The following ADAM11 variants were observed in gnomAD, a reference collection of about 807,000 sequenced individuals.
ADAM11 encodes the protein disintegrin and metalloproteinase domain-containing protein 11.
A neutral mutation model predicts 119.1 loss-of-function variants in ADAM11; 49 were observed. That is an observed-to-expected ratio of 0.41 (90% CI 0.33 to 0.52). The LOEUF (loss-of-function observed/expected upper bound fraction) is 0.52. Among genes scored for constraint, ADAM11 ranks in the 20% least tolerant of loss-of-function variants. The pLI is 0.20. For synonymous variants in ADAM11, 364 were observed against 408.0 expected (o/e 0.89, Z 1.30); for missense variants, 777 against 1,047.5 (o/e 0.74, Z 3.56).
Position 44,772,519 on chromosome 17 carries a change from A to T in ADAM11, c.678+53A>T. On this transcript the variant is annotated intron_variant, in intron 8 of 26. Coordinates refer to ENST00000200557, the MANE Select transcript of ADAM11 (RefSeq NM_002390.6). This position sits in a 1 kb window ranked among gnomAD's most constrained non-coding sequence, Gnocchi z 4.5. ...TGCAGAGACCTCGGGCTGCAGAGAG[A>T]CCTCAGGCCGTGGCCCAGAGCAGGA... 1 of 1,538,924 alleles carries T rather than the reference A, an allele frequency of 6.5e-7. No individual in the cohort carries two copies. The highest frequency in any genetic ancestry group is 8.8e-7 in the Non-Finnish European group (1 of 1,139,168).
rs745617724 is a variant in ADAM11, at chr17:44,759,828, G to C, written c.168G>C (p.Glu56Asp). The C allele has an allele frequency of 7.6e-7, 1 of 1,316,434 alleles. No homozygotes were observed. The highest frequency in any genetic ancestry group is 3.1e-5 in the South Asian group (1 of 32,730). The allele number at this position is 1,316,434 out of a possible 1,614,324, so 81.5% of individuals were successfully genotyped here. Residue 56 changes from glutamate (E) to aspartate (D), a missense_variant, in exon 2 of 27, where the codon GAG becomes GAC. Glu to Asp is a conservative substitution (Grantham distance 45). Around this residue, in one of 4 missense-constraint regions of ADAM11, gnomAD observed 278 missense variants for 310.1 expected, o/e 0.90. Coordinates refer to ENST00000200557, the MANE Select transcript of ADAM11 (RefSeq NM_002390.6). ...EVTEPSRLVR[E>D]SSGGEVRKQQ... ...CGGAACCCAGCCGTCTGGTTAGGGA[G>C]AGCTCCGGGGGAGAGGTCCGAAAGC...
chr17:44,768,372 A>C (rs2049477106), intron 2 of ADAM11, among the ~76,000 whole-genome samples: 1 of 152,188 alleles, frequency 6.6e-6, no homozygotes, highest in Non-Finnish European at 1.5e-5. Context: ...CAGCCCACCC[A>C]GGCCCTGGCC....
In ADAM11 at chr17:44,770,401, G is replaced by A. The variant is rs989707798; in HGVS notation, c.381+353G>A. On this transcript the variant is annotated intron_variant, in intron 4 of 26. Coordinates refer to ENST00000200557, the MANE Select transcript of ADAM11 (RefSeq NM_002390.6). ...CCTTCTTACTCAATATCAAGGCCCC[G>A]AAAATCCCAGCTGCCTGGGACACTA... is the stretch of plus-strand genomic sequence containing the variant. 2.6e-5 allele frequency among the ~76,000 whole-genome samples: 4 copies of A among 151,936 alleles called. 1 individual carries two copies. The highest frequency in any genetic ancestry group is 4.1e-4 in the South Asian group (2 of 4,836).
In ADAM11 at chr17:44,777,389, G is replaced by A; in HGVS notation, c.1782-93G>A. ...CCCAATGGGCGGGCACGTGGCAAAT[G>A]AGGTGGCAGGGTGCAGGGTGAGGGC... On this transcript the variant is annotated intron_variant, in intron 21 of 26. Transcript: ENST00000200557. This position sits in a 1 kb window ranked among gnomAD's most constrained non-coding sequence, Gnocchi z 5.1. 6.5e-7 allele frequency: 1 copy of A among 1,531,798 alleles called. No individual in the cohort carries two copies. The highest frequency in any genetic ancestry group is 9.0e-7 in the Non-Finnish European group (1 of 1,113,106). The allele number at this position is 1,531,798 out of a possible 1,614,324, so 94.9% of individuals were successfully genotyped here. A position where few individuals can be genotyped will look rare whatever the true frequency, so the allele number is the denominator to read the frequency against.
rs1225256676 is a variant in ADAM11, at chr17:44,781,280, G to C, written c.*1526G>C. On this transcript the variant is annotated 3_prime_UTR_variant, in exon 27 of 27. Coordinates refer to ENST00000200557, the MANE Select transcript of ADAM11 (RefSeq NM_002390.6). ...AACACCCTCAGGGGCAAACAGGCCTGGGACCCGCTGACACCATTTTGGGTA... is the reference window on the plus strand; with the variant it reads ...AACACCCTCAGGGGCAAACAGGCCTCGGACCCGCTGACACCATTTTGGGTA... 1.3e-5 allele frequency: 2 copies of C among 152,180 alleles called. No individual in the cohort carries two copies. Among genetic ancestry groups the C allele is most frequent in the Non-Finnish European group, 2.9e-5 (2 of 68,032 alleles). The allele number at this position is 152,180 out of a possible 1,614,324, so 9.4% of individuals were successfully genotyped here.
chr17:44,777,974 G>A lies in ADAM11; in HGVS notation c.2093G>A (p.Cys698Tyr). The change falls in exon 24 of 27, where the codon TGC (cysteine) becomes TAC (tyrosine). Residue 698 changes from cysteine (C) to tyrosine (Y), a missense_variant. Cys to Tyr is a radical substitution (Grantham distance 194). Coordinates refer to ENST00000200557, the MANE Select transcript of ADAM11 (RefSeq NM_002390.6). The surrounding 1 kb of genome is among the most constrained non-coding windows in gnomAD (Gnocchi z 5.1). ...HHGVCSNEGK[C>Y]ICQPDWTGKD... ...TAGGTCTGCAGCAATGAAGGGAAGT[G>A]CATCTGTCAGCCAGACTGGACAGGC... 2.5e-6 allele frequency: 4 copies of A among 1,614,056 alleles called. No individual in the cohort carries two copies. Among genetic ancestry groups the A allele is most frequent in the South Asian group, 2.2e-5 (2 of 91,050 alleles).
rs775459242 is a variant in ADAM11, at chr17:44,773,027, G to A, written c.767G>A (p.Arg256Gln). The change falls in exon 10 of 27, where the codon CGA becomes CAA. Residue 256 changes from arginine to glutamine, a missense_variant. By Grantham distance (43) the Arg-to-Gln change is conservative. Around this residue, in one of 4 missense-constraint regions of ADAM11, gnomAD observed 147 missense variants for 223.3 expected, o/e 0.66. Transcript: ENST00000200557. The surrounding 1 kb of genome is among the most constrained non-coding windows in gnomAD (Gnocchi z 4.6). ...INDHQLFEQM[R>Q]QSVVLTSNFA... ...TCTCTCTCCCAGTTCGAGCAGATGC[G>A]ACAGTCGGTGGTCCTCACCAGCAAC... The A allele has an allele frequency of 1.1e-5, 17 of 1,613,888 alleles. No homozygotes were observed. Among genetic ancestry groups the A allele is most frequent in the South Asian group, 3.3e-5 (3 of 91,078 alleles).
rs769831296 is a variant in ADAM11, at chr17:44,777,689, C to G, written c.1902-6C>G. 1.9e-6 allele frequency: 3 copies of G among 1,613,560 alleles called. No homozygotes were observed. Among genetic ancestry groups the G allele is most frequent in the Non-Finnish European group, 2.5e-6 (3 of 1,179,824 alleles). ...GGGGCTGAGGCTGGCTGTGTCACTTCCCCAGGGGAGGCCACGTGCAGCTGG... is the reference window on the plus strand; with the variant it reads ...GGGGCTGAGGCTGGCTGTGTCACTTGCCCAGGGGAGGCCACGTGCAGCTGG... On this transcript the variant is annotated splice_polypyrimidine_tract_variant and splice_region_variant and intron_variant, in intron 22 of 26. Coordinates refer to ENST00000200557, the MANE Select transcript of ADAM11 (RefSeq NM_002390.6). The surrounding 1 kb of genome is among the most constrained non-coding windows in gnomAD (Gnocchi z 5.1).
In ADAM11 at chr17:44,774,135, G is replaced by T. The variant is rs184584614; in HGVS notation, c.993-160G>T. Reference sequence around the variant, plus strand: ...AAAGAAAAAAAAGAACCCAAGGAGGGGGGGAAGGGTCTTGCCTGGGGTCAC... The same window carrying T: ...AAAGAAAAAAAAGAACCCAAGGAGGTGGGGAAGGGTCTTGCCTGGGGTCAC... On this transcript the variant is annotated intron_variant, in intron 11 of 26. Coordinates refer to ENST00000200557, the MANE Select transcript of ADAM11 (RefSeq NM_002390.6). 3.8e-4 allele frequency among the ~76,000 whole-genome samples: 58 copies of T among 152,176 alleles called. No homozygotes were observed. The East Asian group carries it at 8.3e-3, about 22-fold the overall frequency.
At chr17:44,779,629 T>A in intron 26 of ADAM11, 110 bp from the exon 27 acceptor site, 1 of 1,500,386 alleles carries the variant, frequency 6.7e-7, no homozygotes, top group Non-Finnish European at 8.8e-7. Context: ...GGCCAGCCTG[T>A]GACTTGCCGC....
chr17:44,779,298 C>T, intron 26 of ADAM11, 59 bp downstream of exon 26: 1 of 1,540,630 alleles, frequency 6.5e-7, no homozygotes, highest in Non-Finnish European at 8.7e-7. Flanking sequence ...CTCCCGCTGT[C>T]CTTGTCTCCT....
In ADAM11 at chr17:44,771,574, G is replaced by C. The variant is rs751906080; in HGVS notation, c.382-10G>C. ...ATGCCAGCGTTCTGCTCACTGTTCT[G>C]CTCCTTCAGGGGGCTGGAGACCACT... is the stretch of plus-strand genomic sequence containing the variant. On this transcript the variant is annotated splice_polypyrimidine_tract_variant and intron_variant, in intron 4 of 26. Coordinates refer to ENST00000200557, the MANE Select transcript of ADAM11 (RefSeq NM_002390.6). The C allele has an allele frequency of 1.6e-5, 25 of 1,610,624 alleles. No individual in the cohort carries two copies. The highest frequency in any genetic ancestry group is 1.9e-4 in the Middle Eastern group (1 of 5,318).
At position 44,772,447 on chromosome 17, in the gene ADAM11, G is replaced by A; in HGVS notation, c.659G>A (p.Arg220Lys). 6.4e-7 allele frequency: 1 copy of A among 1,574,592 alleles called. No homozygotes were observed. Among genetic ancestry groups the A allele is most frequent in the Non-Finnish European group, 8.6e-7 (1 of 1,159,688 alleles). ...CAGTCGGCTCCTCCAAACCGGCCGA[G>A]GCTGAGAAGGAAAAGGCAGGTACGG... ...PAQSAPPNRP[R>K]LRRKRQVRRG... Residue 220 changes from arginine to lysine, a missense_variant, in exon 8 of 27, where the codon AGG becomes AAG. Physicochemically the swap from Arg to Lys is conservative, Grantham distance 26 (BLOSUM62 2). Transcript: ENST00000200557. The surrounding 1 kb of genome is among the most constrained non-coding windows in gnomAD (Gnocchi z 4.5).
chr17:44,759,306 C>A, intron 1 of ADAM11, 46 bp downstream of exon 1: 1 of 1,351,388 alleles, frequency 7.4e-7, no homozygotes, highest in Non-Finnish European at 9.5e-7. Flanking sequence ...CTGCCCCCGC[C>A]CCGGGATGTG....
rs746122951 is a variant in ADAM11 at position 44,778,214 on chromosome 17, G to A, written c.2248G>A (p.Val750Ile). ...TGGGGCTGTCCTGGTTGCAGCCATCGTCCTGGGCGGCACGGGCTGGGGATT... is the reference window on the plus strand; with the variant it reads ...TGGGGCTGTCCTGGTTGCAGCCATCATCCTGGGCGGCACGGGCTGGGGATT... ...IAGAVLVAAIVLGGTGWGFKN... is the reference protein window; with the variant it reads ...IAGAVLVAAIILGGTGWGFKN... The change falls in exon 25 of 27, where the codon GTC becomes ATC. Residue 750 changes from valine to isoleucine, a missense_variant. Coordinates refer to ENST00000200557, the MANE Select transcript of ADAM11 (RefSeq NM_002390.6). 71 of 1,613,454 alleles carry A rather than the reference G, an allele frequency of 4.4e-5. No homozygotes were observed. Among genetic ancestry groups the A allele is most frequent in the East Asian group, 6.7e-5 (3 of 44,856 alleles).
chr17:44,769,866 T>C (rs1567690227), intron 3 of ADAM11, 72 bp downstream of exon 3: 1 of 1,393,798 alleles, frequency 7.2e-7, no homozygotes, highest in Non-Finnish European at 1.0e-6. Context: ...GCCTGGCTGC[T>C]GGGGGTCTGG....
Position 44,775,377 on chromosome 17 carries a change from C to A in ADAM11, c.1321-17C>A. Reference sequence around the variant, plus strand: ...GCGGGGTCCGGGCCAGACTCCCGACCTGTCCTCCCGGTCCAGCTCCTGGAC... The same window carrying A: ...GCGGGGTCCGGGCCAGACTCCCGACATGTCCTCCCGGTCCAGCTCCTGGAC... On this transcript the variant is annotated splice_polypyrimidine_tract_variant and intron_variant, in intron 15 of 26. Coordinates refer to ENST00000200557, the MANE Select transcript of ADAM11 (RefSeq NM_002390.6). The surrounding 1 kb of genome is among the most constrained non-coding windows in gnomAD (Gnocchi z 7.5). 1 of 1,612,840 alleles carries A rather than the reference C, an allele frequency of 6.2e-7. No individual in the cohort carries two copies. Among genetic ancestry groups the A allele is most frequent in the Non-Finnish European group, 8.5e-7 (1 of 1,179,772 alleles).
Position 44,773,467 on chromosome 17 carries a change from G to A in ADAM11, c.992+40G>A. 2 of 1,600,044 alleles carry A rather than the reference G, an allele frequency of 1.2e-6. No individual in the cohort carries two copies. Among genetic ancestry groups the A allele is most frequent in the South Asian group, 2.2e-5 (2 of 90,060 alleles). ...CTGCACCTCCTGCCAGCCTCTGCTA[G>A]TTGCTACAGTGCTTGGGATTACTTA... On this transcript the variant is annotated intron_variant, in intron 11 of 26. Coordinates refer to ENST00000200557, the MANE Select transcript of ADAM11 (RefSeq NM_002390.6). The surrounding 1 kb of genome is among the most constrained non-coding windows in gnomAD (Gnocchi z 4.6).
At position 44,773,951 on chromosome 17, in the gene ADAM11, C is replaced by T. The variant is rs1406682821; in HGVS notation, c.993-344C>T. ...TCTCAAAATACAAAAATTAGCCAGG[C>T]GTGGTGGTGTGCACCTGTAGTCCCA... On this transcript the variant is annotated intron_variant, in intron 11 of 26. Transcript: ENST00000200557. The surrounding 1 kb of genome is among the most constrained non-coding windows in gnomAD (Gnocchi z 4.6). Among the ~76,000 whole-genome samples, 2 of 152,060 alleles carry T rather than the reference C, an allele frequency of 1.3e-5. No individual in the cohort carries two copies. The highest frequency in any genetic ancestry group is 2.9e-5 in the Non-Finnish European group (2 of 68,004).
Sources: allele counts gnomAD v4.1 joint callset (sites outside exome capture counted in the v4.1 genomes callset), GRCh38; gene constraint gnomAD v4.1.1; regional missense constraint gnomAD v4.1.1; non-coding constraint Gnocchi (gnomAD v3.1); transcripts MANE v1.5; gene names NCBI Gene and HGNC (gene_info 2026-07-23, HGNC 2026-07-21).